KCNC2: variants seen among roughly 807,000 people sequenced by gnomAD.
The protein encoded by KCNC2 is potassium voltage-gated channel subfamily C member 2, also known as voltage-gated potassium channel KCNC2.
A neutral mutation model predicts 44.5 loss-of-function variants in KCNC2; 21 were observed. The observed-to-expected ratio is 0.47, with a 90% CI of 0.33 to 0.68. The LOEUF (loss-of-function observed/expected upper bound fraction) is 0.68. KCNC2 is among the 30% of genes least tolerant of loss of function. The pLI, the probability that KCNC2 is intolerant of heterozygous loss-of-function variation, is 0.01. For synonymous variants in KCNC2, 391 were observed against 339.1 expected (o/e 1.15, Z -1.68); for missense variants, 589 against 826.2 (o/e 0.71, Z 3.52).
intron 2 of KCNC2, among the ~76,000 whole-genome samples, chr12:75,185,415 A>G (rs1215193727): frequency 6.6e-6 from 1 of 152,158 alleles, no homozygotes; most frequent in Non-Finnish European, 1.5e-5. Flanking sequence ...TGTTTGGGTC[A>G]TGGGCGCATG....
At chr12:75,202,581 T>A (rs941717802) in intron 2 of KCNC2, among the ~76,000 whole-genome samples, 6 of 151,786 alleles carry the variant, frequency 4.0e-5, no homozygotes, top group Non-Finnish European at 7.4e-5. Context: ...TGAAAGAAAC[T>A]TGGCCACACC....
intron 2 of KCNC2, among the ~76,000 whole-genome samples, chr12:75,165,016 T>C (rs1329616568): frequency 6.6e-6 from 1 of 151,614 alleles, no homozygotes; most frequent in Non-Finnish European, 1.5e-5. Flanking sequence ...TCAATTCCTA[T>C]TTTATTTCTT....
chr12:75,086,675 AAAAAAAATAT>A (rs1298138642), intron 2 of KCNC2, among the ~76,000 whole-genome samples: 4 of 76,726 alleles, frequency 5.2e-5, no homozygotes, highest in Non-Finnish European at 8.7e-5. Context: ...AAAAAAAAAA[AAAAAAAATAT>A]ATATATATAT....
intron 2 of KCNC2, among the ~76,000 whole-genome samples, chr12:75,071,320 T>G (rs997170585): frequency 6.6e-6 from 1 of 152,160 alleles, no homozygotes; most frequent in African/African-American, 2.4e-5. Context: ...AAATCTTATG[T>G]TTCATCTCTC....
At chr12:75,110,024 A>T (rs2137230324) in intron 2 of KCNC2, among the ~76,000 whole-genome samples, 1 of 152,286 alleles carries the variant, frequency 6.6e-6, no homozygotes, top group East Asian at 1.9e-4. Context: ...CATGGGAGTA[A>T]AGTTAACAGT....
chr12:75,186,048 AAAATAAATAAATAAATAAATAAAT>A (rs371301482), intron 2 of KCNC2, among the ~76,000 whole-genome samples: 7 of 142,964 alleles, frequency 4.9e-5, no homozygotes, highest in Admixed American at 2.8e-4. Flanking sequence ...CTCTGTCTCA[AAAATAAATAAATAAATAAATAAAT>A]AAATAAATAA....
intron 2 of KCNC2, among the ~76,000 whole-genome samples, chr12:75,131,405 A>G (rs1428141503): frequency 2.0e-5 from 3 of 152,198 alleles, no homozygotes; most frequent in African/African-American, 7.2e-5. Flanking sequence ...AGTGGCTTAT[A>G]GCAGTAGGCA....
chr12:75,112,306 T>G (rs1887319072), intron 2 of KCNC2, among the ~76,000 whole-genome samples: 2 of 152,000 alleles, frequency 1.3e-5, no homozygotes. Context: ...GTTATCTGAA[T>G]TAAGTATAAA....
intron 2 of KCNC2, among the ~76,000 whole-genome samples, chr12:75,148,561 C>G (rs1234278064): frequency 6.6e-6 from 1 of 151,890 alleles, no homozygotes; most frequent in Admixed American, 6.6e-5. Flanking sequence ...AGCTTGGTGA[C>G]TATGATATTT....
intron 2 of KCNC2, among the ~76,000 whole-genome samples, chr12:75,073,831 T>A (rs11180355): frequency 6.6e-6 from 1 of 152,194 alleles, no homozygotes; most frequent in Non-Finnish European, 1.5e-5. Flanking sequence ...TCTCAATTTA[T>A]AATTTTTAAC....
chr12:75,149,855 C>T (rs1890270507), intron 2 of KCNC2, among the ~76,000 whole-genome samples: 1 of 151,782 alleles, frequency 6.6e-6, no homozygotes, highest in South Asian at 2.1e-4. Context: ...GGGCACTTAG[C>T]TAAGGGCTGC....
rs554676726 is a variant in KCNC2, at chr12:75,188,464, C to G, written c.687+18833G>C. ...AACAATTTTTAGCATAAATGTGAAC[C>G]ACAATTTAGTATAGATTCTTAGATT... On this transcript the variant is annotated intron_variant, in intron 2 of 4. Transcript: ENST00000549446. Among the ~76,000 whole-genome samples, 6 of 152,162 alleles carry G rather than the reference C, an allele frequency of 3.9e-5. No individual in the cohort carries two copies. The South Asian group carries it at 1.2e-3, about 32-fold the overall frequency.
intron 2 of KCNC2, among the ~76,000 whole-genome samples, chr12:75,052,908 A>C (rs1371000863): frequency 6.6e-6 from 1 of 152,074 alleles, no homozygotes; most frequent in Non-Finnish European, 1.5e-5. Flanking sequence ...CATGGCTTTG[A>C]CTTGCTCTTT....
At chr12:75,186,611 C>T (rs1163486366) in intron 2 of KCNC2, among the ~76,000 whole-genome samples, 3 of 152,150 alleles carry the variant, frequency 2.0e-5, no homozygotes, top group Non-Finnish European at 4.4e-5. Flanking sequence ...ATTTAATAAA[C>T]TTTCTTTTAT....
intron 2 of KCNC2, among the ~76,000 whole-genome samples, chr12:75,096,358 G>A (rs1025760410): frequency 2.0e-5 from 3 of 152,028 alleles, no homozygotes; most frequent in African/African-American, 4.8e-5. Flanking sequence ...AGTGGGAAAA[G>A]TAGAAAGGAA....
At chr12:75,203,804 C>A (rs1366564047) in intron 2 of KCNC2, among the ~76,000 whole-genome samples, 1 of 151,792 alleles carries the variant, frequency 6.6e-6, no homozygotes, top group Non-Finnish European at 1.5e-5. Flanking sequence ...GTTTAATATT[C>A]CAAACAGATT....
chr12:75,106,475 T>C (rs544113067), intron 2 of KCNC2, among the ~76,000 whole-genome samples: 4 of 152,208 alleles, frequency 2.6e-5, no homozygotes, highest in Admixed American at 6.5e-5. Context: ...TGGGGAGGTG[T>C]CACTAAGGAA....
chr12:75,043,574 C>A, intron 4 of KCNC2: 1 of 1,214,310 alleles, frequency 8.2e-7, no homozygotes, highest in South Asian at 2.9e-5. Flanking sequence ...AAGATATAAG[C>A]TTGACTAATA....
intron 3 of KCNC2, among the ~76,000 whole-genome samples, chr12:75,049,381 A>G (rs973604323): frequency 6.6e-6 from 1 of 152,164 alleles, no homozygotes; most frequent in Non-Finnish European, 1.5e-5. Flanking sequence ...AGAAAAAATG[A>G]AATGAAATTT....
Sources: gnomAD v4.1 joint callset for allele counts (sites outside exome capture counted in the v4.1 genomes callset) on GRCh38, gnomAD v4.1.1 for gene constraint, MANE v1.5 for transcripts, NCBI Gene and HGNC (gene_info 2026-07-23, HGNC 2026-07-21) for gene names.